CPNE8: variants seen among roughly 807,000 people sequenced by gnomAD.
CPNE8 encodes the protein copine 8, also known as copine-8.
In CPNE8, 45 loss-of-function variants were observed where a neutral mutation model predicts 81.5. The observed-to-expected ratio is 0.55, with a 90% CI of 0.44 to 0.71. The LOEUF is 0.71. CPNE8 is among the 30% of genes least tolerant of loss of function. The pLI is 0.00. For synonymous variants in CPNE8, 252 were observed against 226.3 expected (o/e 1.11, Z -1.02); for missense variants, 594 against 672.1 (o/e 0.88, Z 1.28).
chr12:38,706,427 A>G (rs1406230812), intron 13 of CPNE8, among the ~76,000 whole-genome samples: 1 of 152,162 alleles, frequency 6.6e-6, no homozygotes. Flanking sequence ...TTTTCTCATG[A>G]GAAATGGGAT....
At chr12:38,668,451 A>G (rs1475384014) in intron 19 of CPNE8, among the ~76,000 whole-genome samples, 1 of 152,206 alleles carries the variant, frequency 6.6e-6, no homozygotes, top group Non-Finnish European at 1.5e-5. Context: ...GGTCTTCTGA[A>G]AGGAAACCTT....
intron 14 of CPNE8, among the ~76,000 whole-genome samples, chr12:38,700,103 T>A (rs1198280846): frequency 6.6e-6 from 1 of 152,196 alleles, no homozygotes; most frequent in Non-Finnish European, 1.5e-5. Flanking sequence ...AGTATAATGT[T>A]CAATAGAAGA....
At chr12:38,730,041 T>C (rs826876) in intron 11 of CPNE8, among the ~76,000 whole-genome samples, 85,467 of 151,664 alleles carry the variant, frequency 0.56, 24,526 homozygotes, top group East Asian at 0.81. Context: ...ACAATAAACT[T>C]ATATCCATAT....
chr12:38,685,342 CTCTT>C (rs1386078264), intron 16 of CPNE8, 144 bp downstream of exon 16: 4 of 713,426 alleles, frequency 5.6e-6, no homozygotes, highest in Non-Finnish European at 8.9e-6. Context: ...TTGATAGAGA[CTCTT>C]TCTAACATAC....
intron 3 of CPNE8, among the ~76,000 whole-genome samples, chr12:38,869,070 T>C (rs1943955029): frequency 6.6e-6 from 1 of 152,190 alleles, no homozygotes; most frequent in Non-Finnish European, 1.5e-5. Flanking sequence ...AATAGCATTA[T>C]CTTCCTTGAT....
chr12:38,694,981 CT>C (rs371646635), intron 14 of CPNE8, among the ~76,000 whole-genome samples: 55 of 152,112 alleles, frequency 3.6e-4, no homozygotes, highest in Admixed American at 3.0e-3. Flanking sequence ...ATTAATTGAA[CT>C]TTTTTTTATT....
At chr12:38,787,069 G>A (rs892629131) in intron 6 of CPNE8, among the ~76,000 whole-genome samples, 2 of 151,996 alleles carry the variant, frequency 1.3e-5, no homozygotes, top group East Asian at 1.9e-4. Context: ...TATCAACAAA[G>A]CAACATTGGA....
At chr12:38,801,117 G>C (rs537306104) in intron 6 of CPNE8, among the ~76,000 whole-genome samples, 31,462 of 100,672 alleles carry the variant, frequency 0.31, 6,050 homozygotes, top group Middle Eastern at 0.41. Flanking sequence ...CCCCAATCTA[G>C]CAAGGCAGGC....
intron 5 of CPNE8, among the ~76,000 whole-genome samples, chr12:38,830,389 A>T (rs1943265896): frequency 1.3e-5 from 2 of 152,204 alleles, no homozygotes; most frequent in African/African-American, 4.8e-5. Context: ...TGATGTTCTG[A>T]TTCCAGACTG....
At chr12:38,663,958 C>T (rs988114694) in intron 19 of CPNE8, among the ~76,000 whole-genome samples, 27 of 151,900 alleles carry the variant, frequency 1.8e-4, no homozygotes, top group African/African-American at 5.6e-4. Context: ...ATAGTGGTTA[C>T]TATAGGCTGG....
intron 6 of CPNE8, among the ~76,000 whole-genome samples, chr12:38,816,256 T>C (rs1943022015): frequency 6.6e-6 from 1 of 152,210 alleles, no homozygotes; most frequent in Admixed American, 6.5e-5. Context: ...GTGACTATTA[T>C]CCTGGAAAAT....
intron 17 of CPNE8, chr12:38,676,220 G>T: frequency 1.4e-6 from 1 of 707,762 alleles, no homozygotes; most frequent in Non-Finnish European, 1.7e-6. Flanking sequence ...TAATTTGTGA[G>T]CATATTCAAA....
At chr12:38,883,385 G>T (rs1296129944) in intron 1 of CPNE8, among the ~76,000 whole-genome samples, 1 of 152,030 alleles carries the variant, frequency 6.6e-6, no homozygotes, top group Non-Finnish European at 1.5e-5. Context: ...TACAGAGAAA[G>T]ATATAAAATA....
chr12:38,767,539 T>C, intron 8 of CPNE8, 96 bp downstream of exon 8: 1 of 709,368 alleles, frequency 1.4e-6, no homozygotes, highest in Non-Finnish European at 2.2e-6. Flanking sequence ...ACTATTTTAC[T>C]TCATTTATCA....
At chr12:38,711,362 G>T (rs995420905) in intron 13 of CPNE8, among the ~76,000 whole-genome samples, 1 of 152,038 alleles carries the variant, frequency 6.6e-6, no homozygotes, top group Non-Finnish European at 1.5e-5. Context: ...CTTTGACTTT[G>T]AAATGGAGAG....
intron 1 of CPNE8, among the ~76,000 whole-genome samples, chr12:38,902,351 A>G (rs1183742388): frequency 3.2e-4 from 31 of 96,286 alleles, no homozygotes; most frequent in African/African-American, 5.8e-4. Context: ...AAAGAAAGAA[A>G]GAAAGAAAGA....
At chr12:38,841,195 A>C (rs1375155611) in intron 4 of CPNE8, among the ~76,000 whole-genome samples, 1 of 152,192 alleles carries the variant, frequency 6.6e-6, no homozygotes, top group Non-Finnish European at 1.5e-5. Context: ...AGGGATACTA[A>C]GGCTTTGAGG....
chr12:38,734,783 G>C (rs1684412), intron 10 of CPNE8, among the ~76,000 whole-genome samples: 67 of 152,062 alleles, frequency 4.4e-4, no homozygotes, highest in African/African-American at 1.5e-3. Flanking sequence ...TATGAAGACT[G>C]TAACTCCAGA....
chr12:38,875,069 T>C (rs1037994198), intron 1 of CPNE8, among the ~76,000 whole-genome samples: 1 of 152,192 alleles, frequency 6.6e-6, no homozygotes, highest in African/African-American at 2.4e-5. Flanking sequence ...TGAAGACTCT[T>C]TTCAGTAAAC....
Sources: gnomAD v4.1 joint callset for allele counts (sites outside exome capture counted in the v4.1 genomes callset) on GRCh38, gnomAD v4.1.1 for gene constraint, MANE v1.5 for transcripts, NCBI Gene and HGNC (gene_info 2026-07-23, HGNC 2026-07-21) for gene names.